Variants in SORBS2 observed in about 807,000 individuals in gnomAD.
SORBS2 encodes the protein sorbin and SH3 domain-containing protein 2.
In SORBS2, 46 loss-of-function variants were observed where a neutral mutation model predicts 97.7. The ratio of observed to expected loss-of-function variants is 0.47; its 90% CI spans 0.37 to 0.60. SORBS2 has a LOEUF of 0.60. SORBS2 is among the 20% of genes least tolerant of loss of function. SORBS2 has a pLI of 0.00. For missense variants in SORBS2, 1,316 were observed against 1,282.3 expected, an observed-to-expected ratio of 1.03 and a Z score of -0.40; for synonymous variants, 476 against 473.4, an observed-to-expected ratio of 1.01 and a Z score of -0.07.
chr4:185,740,805 C>G (rs1214541719), intron 2 of SORBS2, among the ~76,000 whole-genome samples: 1 of 149,774 alleles, frequency 6.7e-6, no homozygotes, highest in Non-Finnish European at 1.5e-5. Flanking sequence ...ACCAACTCAG[C>G]CCAGCACTAA....
intron 2 of SORBS2, among the ~76,000 whole-genome samples, chr4:185,650,850 C>T (rs532099171): frequency 1.2e-4 from 18 of 152,222 alleles, no homozygotes; most frequent in Non-Finnish European, 2.6e-4. Context: ...AAGACTTAAA[C>T]CCAGAGGGCT....
chr4:185,596,862 T>A (rs1290692503), intron 12 of SORBS2, among the ~76,000 whole-genome samples: 1 of 152,132 alleles, frequency 6.6e-6, no homozygotes, highest in Non-Finnish European at 1.5e-5. Flanking sequence ...GTTTCCCAAT[T>A]TCTCTTTTCC....
intron 1 of SORBS2, among the ~76,000 whole-genome samples, chr4:185,950,282 T>C (rs2099276604): frequency 6.6e-6 from 1 of 152,090 alleles, no homozygotes; most frequent in Non-Finnish European, 1.5e-5. Flanking sequence ...AGAATGAATT[T>C]GTAAAGTAAC....
In SORBS2 at chr4:185,762,598, T is replaced by A. The variant is rs73873368; in HGVS notation, c.-198+12629A>T. ...TCACAGAAGGCAAAGGGGAACAGATTTCATGAAGATGCGAGAGTCAGCAGC... is the reference window on the plus strand; with the variant it reads ...TCACAGAAGGCAAAGGGGAACAGATATCATGAAGATGCGAGAGTCAGCAGC... On this transcript the variant is annotated intron_variant, in intron 2 of 20. Coordinates refer to the SORBS2 transcript ENST00000284776. Among the ~76,000 whole-genome samples the A allele has an allele frequency of 3.2e-3, 485 of 152,194 alleles. 2 individuals are homozygous for A. The highest frequency in any genetic ancestry group is 0.011 in the African/African-American group (466 of 41,516).
chr4:185,611,903 G>T, exon 12 of SORBS2: 1 of 1,613,634 alleles, frequency 6.2e-7, no homozygotes, highest in Admixed American at 1.7e-5. Context: ...CAGGGAAGAT[G>T]CCTTGTCTGT....
At chr4:185,811,980 C>T (rs1033722406) in intron 1 of SORBS2, 3 of 152,228 alleles carry the variant, frequency 2.0e-5, no homozygotes, top group Non-Finnish European at 4.4e-5. Flanking sequence ...AGACAAAAAC[C>T]TTTGCTGCTG....
chr4:185,844,143 C>T (rs1237942730), intron 1 of SORBS2, among the ~76,000 whole-genome samples: 1 of 152,196 alleles, frequency 6.6e-6, no homozygotes, highest in African/African-American at 2.4e-5. Context: ...TAAACAAAGA[C>T]TGGAACCATA....
At chr4:185,588,794 T>C (rs2095852542) in intron 14 of SORBS2, among the ~76,000 whole-genome samples, 1 of 152,122 alleles carries the variant, frequency 6.6e-6, no homozygotes, top group Non-Finnish European at 1.5e-5. Context: ...ATTGTACTTT[T>C]GGTAGATACG....
In SORBS2 at chr4:185,641,044, T is replaced by A. The variant is rs573548979; in HGVS notation, c.396+5624A>T. On this transcript the variant is annotated intron_variant, in intron 4 of 14. Coordinates refer to ENST00000418609, the Ensembl canonical transcript of SORBS2. ...CAACTTACTAAATGAATAAGACTTG[T>A]TAGCTATGTAGCTTCACTTTGACTC... Among the ~76,000 whole-genome samples, 8 of 152,324 alleles carry A rather than the reference T, an allele frequency of 5.3e-5. No homozygotes were observed. The East Asian group carries it at 1.5e-3, about 29-fold the overall frequency.
At chr4:185,788,284 C>G (rs1444428259) in intron 1 of SORBS2, among the ~76,000 whole-genome samples, 1 of 152,040 alleles carries the variant, frequency 6.6e-6, no homozygotes, top group Non-Finnish European at 1.5e-5. Flanking sequence ...AAAGAGATAC[C>G]GACAGAGAAA....
At chr4:185,679,811 T>C (rs73876141) in intron 2 of SORBS2, among the ~76,000 whole-genome samples, 3,108 of 152,350 alleles carry the variant, frequency 0.02, 94 homozygotes, top group African/African-American at 0.069. Flanking sequence ...TTGTTTTTCT[T>C]TTAGTGCTTC....
At chr4:185,712,942 CTA>C (rs2098436508) in intron 2 of SORBS2, among the ~76,000 whole-genome samples, 3 of 152,214 alleles carry the variant, frequency 2.0e-5, no homozygotes, top group Admixed American at 6.5e-5. Flanking sequence ...ACACCTTAGT[CTA>C]GCTTTCCAGT....
At chr4:185,815,086 G>A (rs1425027537) in intron 1 of SORBS2, among the ~76,000 whole-genome samples, 3 of 152,202 alleles carry the variant, frequency 2.0e-5, no homozygotes, top group Non-Finnish European at 4.4e-5. Flanking sequence ...CTGTGCCTTG[G>A]TCCAATCAGC....
upstream of SORBS2, among the ~76,000 whole-genome samples, chr4:185,661,003 G>A (rs189681433): frequency 3.2e-4 from 49 of 152,134 alleles, no homozygotes; most frequent in Middle Eastern, 3.4e-3. Flanking sequence ...GGCCGGGCAC[G>A]GTGGCTCATG....
chr4:185,851,752 G>A (rs1440275211), intron 1 of SORBS2, among the ~76,000 whole-genome samples: 2 of 152,076 alleles, frequency 1.3e-5, no homozygotes, highest in Admixed American at 1.3e-4. Flanking sequence ...GACTAGACTG[G>A]CTTAGCCTCC....
upstream of SORBS2, among the ~76,000 whole-genome samples, chr4:185,659,583 ATTTTT>A (rs34425567): frequency 6.7e-6 from 1 of 148,494 alleles, no homozygotes; most frequent in African/African-American, 2.5e-5. Context: ...CGCCCAGCTA[ATTTTT>A]TTTTTTGTAT....
chr4:185,859,983 C>A (rs2099222774), intron 1 of SORBS2, among the ~76,000 whole-genome samples: 1 of 152,146 alleles, frequency 6.6e-6, no homozygotes, highest in Non-Finnish European at 1.5e-5. Context: ...GCTCAAGATC[C>A]TTCCATAATT....
chr4:185,932,559 C>T (rs1234981077), intron 1 of SORBS2, among the ~76,000 whole-genome samples: 1 of 152,130 alleles, frequency 6.6e-6, no homozygotes, highest in Non-Finnish European at 1.5e-5. Flanking sequence ...CTAAGCCTAC[C>T]GCACGGCATT....
intron 2 of SORBS2, among the ~76,000 whole-genome samples, chr4:185,755,050 C>G (rs1193002236): frequency 7.9e-5 from 12 of 152,232 alleles, no homozygotes; most frequent in Non-Finnish European, 2.9e-5. Context: ...TCTTTATATA[C>G]CTGAGAGATG....
Sources: gnomAD v4.1 joint callset for allele counts (sites outside exome capture counted in the v4.1 genomes callset) on GRCh38, gnomAD v4.1.1 for gene constraint, MANE v1.5 for transcripts, NCBI Gene and HGNC (gene_info 2026-07-23, HGNC 2026-07-21) for gene names.